Variants in SLC25A36 observed in about 807,000 individuals in gnomAD.
SLC25A36 encodes the protein epididymis secretory sperm binding protein.
Under a neutral mutation model 35.3 loss-of-function variants are expected in SLC25A36, and 24 were observed. The observed-to-expected ratio is 0.68, with a 90% confidence interval of 0.49 to 0.96. The LOEUF is 0.96. SLC25A36 is among the 40% of genes least tolerant of loss of function. SLC25A36 has a pLI of 0.00. For synonymous variants in SLC25A36, 141 were observed against 132.2 expected (o/e 1.07, Z -0.46); for missense variants, 294 against 381.1 (o/e 0.77, Z 1.90).
intron 4 of SLC25A36, chr3:140,963,960 G>A (rs1354374227): frequency 2.0e-5 from 3 of 151,966 alleles, no homozygotes. Context: ...TGCTATGCAT[G>A]TTAGACAAAG....
At chr3:140,968,770 AT>A in intron 4 of SLC25A36, 8 of 885,408 alleles carry the variant, frequency 9.0e-6, no homozygotes, top group Non-Finnish European at 1.1e-5. Context: ...TAGAACTTTT[AT>A]TTAAAAAAAA....
chr3:140,964,060 G>T, intron 4 of SLC25A36: 1 of 151,846 alleles, frequency 6.6e-6, no homozygotes, highest in East Asian at 1.9e-4. Context: ...AAATTATGCT[G>T]TAACTTTATA....
chr3:140,957,062 A>G (rs1014253824), intron 2 of SLC25A36: 1 of 156,628 alleles, frequency 6.4e-6, no homozygotes, highest in African/African-American at 2.4e-5. Context: ...ACATCCAATT[A>G]ATGATAATCT....
rs963659606 is a variant in SLC25A36, at chr3:140,978,131, G to A, written c.*1678G>A. The A allele has an allele frequency of 5.3e-5, 8 of 152,048 alleles. No individual in the cohort carries two copies. The highest frequency in any genetic ancestry group is 7.4e-5 in the Non-Finnish European group (5 of 68,008). The allele number at this position is 152,048 out of a possible 1,614,324, so 9.4% of individuals were successfully genotyped here. On this transcript the variant is annotated 3_prime_UTR_variant, in exon 7 of 7. Coordinates refer to ENST00000324194, the MANE Select transcript of SLC25A36 (RefSeq NM_001104647.3). ...TCTGCTGTCACCAGTGAAACATAGT[G>A]CCCTGTTAAATTCCCCCACTTTAAC...
rs989364527 is a variant in SLC25A36 at position 140,978,753 on chromosome 3, T to A, written c.*2300T>A. The stretch of plus-strand genomic sequence containing the variant: ...ACTAGAAAGGAGCAATGAAGTTTAT[T>A]TCAGTTGTATTTTTCCCTAAGCACA... On this transcript the variant is annotated 3_prime_UTR_variant, in exon 7 of 7. Coordinates refer to ENST00000324194, the MANE Select transcript of SLC25A36 (RefSeq NM_001104647.3). 2 of 152,154 alleles carry A rather than the reference T, an allele frequency of 1.3e-5. No individual in the cohort carries two copies. The highest frequency in any genetic ancestry group is 2.4e-5 in the African/African-American group (1 of 41,438). The allele number at this position is 152,154 out of a possible 1,614,324, so 9.4% of individuals were successfully genotyped here.
chr3:140,964,486 G>A (rs1934711160), intron 4 of SLC25A36: 1 of 151,864 alleles, frequency 6.6e-6, no homozygotes, highest in African/African-American at 2.4e-5. Context: ...CTTTCATTTA[G>A]TGTTATAGAG....
intron 3 of SLC25A36, among the ~76,000 whole-genome samples, chr3:140,960,519 A>G (rs1028827364): frequency 6.6e-6 from 1 of 152,246 alleles, no homozygotes; most frequent in African/African-American, 2.4e-5. Flanking sequence ...GAAGGATGTC[A>G]GGGCTTAGAA....
At chr3:140,956,430 A>G in intron 1 of SLC25A36, 97 bp from the exon 2 acceptor site, 2 of 1,289,632 alleles carry the variant, frequency 1.6e-6, no homozygotes. Context: ...GTATGTTGGC[A>G]AAGCTCCAGG....
At position 140,973,645 on chromosome 3, in the gene SLC25A36, A is replaced by G. The variant is rs1934962893; in HGVS notation, c.453-71A>G. 16 of 1,100,054 alleles carry G rather than the reference A, an allele frequency of 1.5e-5. 1 individual carries two copies. The South Asian group carries it at 3.1e-4, about 21-fold the overall frequency. 68.1% of individuals were successfully genotyped at this position (1,100,054 alleles called of 1,614,324 possible). On this transcript the variant is annotated intron_variant, in intron 5 of 6. Coordinates refer to ENST00000324194, the MANE Select transcript of SLC25A36 (RefSeq NM_001104647.3). ...AAGAAGGCCATTCTTTTATTATTAG[A>G]ATGACATATTTTATTATATTTTACT...
chr3:140,958,096 A>T (rs1164027072), intron 2 of SLC25A36, among the ~76,000 whole-genome samples: 31 of 152,256 alleles, frequency 2.0e-4, no homozygotes, highest in Admixed American at 1.9e-3. Context: ...TCAGGGTCGT[A>T]GGGTTATCCA....
At position 140,975,464 on chromosome 3, in the gene SLC25A36, A is replaced by G. The variant is rs146355783; in HGVS notation, c.743-796A>G. Among the ~76,000 whole-genome samples, 596 of 152,250 alleles carry G rather than the reference A, an allele frequency of 3.9e-3. 4 individuals are homozygous for G. Among genetic ancestry groups the G allele is most frequent in the Middle Eastern group, 0.01 (3 of 294 alleles). On this transcript the variant is annotated intron_variant, in intron 6 of 6. Coordinates refer to ENST00000324194, the MANE Select transcript of SLC25A36 (RefSeq NM_001104647.3). ...AATCTTTAAGACAGAACAGATTTCA[A>G]GTAAATAGTTACAATTGCTGTGGGT... is the stretch of plus-strand genomic sequence containing the variant.
chr3:140,968,335 C>A, intron 4 of SLC25A36: 2 of 780,678 alleles, frequency 2.6e-6, no homozygotes, highest in Non-Finnish European at 3.1e-6. Flanking sequence ...GGTTTGCTGG[C>A]ATTTAGGTTA....
At chr3:140,964,388 C>T (rs752169497) in intron 4 of SLC25A36, 4 of 151,860 alleles carry the variant, frequency 2.6e-5, no homozygotes, top group Non-Finnish European at 5.9e-5. Flanking sequence ...AAACCTTGGG[C>T]AAATTATGTA....
intron 1 of SLC25A36, among the ~76,000 whole-genome samples, chr3:140,951,181 C>T (rs1318828823): frequency 7.2e-5 from 11 of 151,978 alleles, no homozygotes; most frequent in South Asian, 4.1e-4. Flanking sequence ...TTGCAGCTGC[C>T]GATTTCTCTG....
chr3:140,962,857 G>A (rs1031215154), intron 3 of SLC25A36, among the ~76,000 whole-genome samples: 3 of 151,076 alleles, frequency 2.0e-5, no homozygotes, highest in Non-Finnish European at 3.0e-5. Flanking sequence ...CCAAGTTTTA[G>A]TGAGTTAAGT....
At chr3:140,943,191 T>C (rs1934066573) in intron 1 of SLC25A36, among the ~76,000 whole-genome samples, 1 of 152,234 alleles carries the variant, frequency 6.6e-6, no homozygotes, top group Admixed American at 6.5e-5. Context: ...TGAATTATGC[T>C]GAGACTCTTA....
chr3:140,944,605 A>G (rs1050940569), intron 1 of SLC25A36, among the ~76,000 whole-genome samples: 1 of 152,348 alleles, frequency 6.6e-6, no homozygotes, highest in African/African-American at 2.4e-5. Flanking sequence ...TCAGCTGCAT[A>G]TATCTACAGA....
intron 1 of SLC25A36, among the ~76,000 whole-genome samples, chr3:140,943,387 T>C (rs2107774421): frequency 6.6e-6 from 1 of 152,376 alleles, no homozygotes; most frequent in East Asian, 1.9e-4. Flanking sequence ...ACACCAATTA[T>C]GGGCCGGCCA....
chr3:140,947,398 A>G (rs1202282198), intron 1 of SLC25A36, among the ~76,000 whole-genome samples: 1 of 152,134 alleles, frequency 6.6e-6, no homozygotes, highest in Non-Finnish European at 1.5e-5. Flanking sequence ...TCAGTCTCGT[A>G]TCTTACTATT....
Sources: gnomAD v4.1 joint callset for allele counts (sites outside exome capture counted in the v4.1 genomes callset) on GRCh38, gnomAD v4.1.1 for gene constraint, MANE v1.5 for transcripts, NCBI Gene and HGNC (gene_info 2026-07-23, HGNC 2026-07-21) for gene names.